Variants in ADD2 observed in about 807,000 individuals in gnomAD.
ADD2 encodes beta-adducin.
Under a neutral mutation model 83.0 loss-of-function variants are expected in ADD2, and 23 were observed. The observed-to-expected ratio is 0.28, with a 90% CI of 0.20 to 0.39. ADD2 has a LOEUF of 0.39. Ranked by LOEUF, ADD2 falls within the 10% of genes least tolerant of loss-of-function variation. ADD2 has a pLI of 1.00. For missense variants in ADD2, 758 were observed against 944.9 expected (o/e 0.80, Z 2.59); for synonymous variants, 375 against 375.4 (o/e 1.00, Z 0.01).
intron 15 of ADD2, among the ~76,000 whole-genome samples, chr2:70,666,845 G>A (rs1675820512): frequency 1.3e-5 from 2 of 152,178 alleles, no homozygotes; most frequent in Non-Finnish European, 2.9e-5. Context: ...ATTCAGAGAG[G>A]TTCCACATCA....
chr2:70,715,199 G>A (rs1672399876), intron 1 of ADD2, among the ~76,000 whole-genome samples: 2 of 152,152 alleles, frequency 1.3e-5, no homozygotes, highest in Non-Finnish European at 2.9e-5. Flanking sequence ...TTTAATGAGA[G>A]AAGGGAAGAG....
Position 70,662,126 on chromosome 2 carries a change from G to A in ADD2, c.*1299C>T, listed in dbSNP as rs546922031. ...AGGAAAAATATTCTTTCAAGACACG[G>A]TGCTTTCAAGAGAATGGATTGTCTA... is the stretch of plus-strand genomic sequence containing the variant. On this transcript the variant is annotated 3_prime_UTR_variant, in exon 16 of 16. Transcript: ENST00000264436. 6.6e-6 allele frequency: 1 copy of A among 152,212 alleles called. No individual in the cohort carries two copies. The highest frequency in any genetic ancestry group is 2.4e-5 in the African/African-American group (1 of 41,458). The allele number at this position is 152,212 out of a possible 1,614,324, so 9.4% of individuals were successfully genotyped here.
chr2:70,704,284 C>CCCCCCCA, intron 4 of ADD2, 37 bp downstream of exon 4: 1 of 1,560,596 alleles, frequency 6.4e-7, no homozygotes, highest in Non-Finnish European at 8.7e-7. Context: ...CCCTCCCCTC[C>CCCCCCCA]ACCTCTGCTC....
intron 1 of ADD2, among the ~76,000 whole-genome samples, chr2:70,740,106 G>C (rs1673807905): frequency 6.6e-6 from 1 of 152,046 alleles, no homozygotes; most frequent in Admixed American, 6.6e-5. Context: ...TATGGCTTAT[G>C]ATATTTATAT....
intron 15 of ADD2, among the ~76,000 whole-genome samples, chr2:70,670,933 C>A (rs782152452): frequency 2.0e-5 from 3 of 152,172 alleles, no homozygotes; most frequent in Admixed American, 2.0e-4. Context: ...CAACCGTGGG[C>A]CCCTCCAGGG....
At chr2:70,723,662 C>G (rs1553377755) in intron 1 of ADD2, among the ~76,000 whole-genome samples, 1 of 152,174 alleles carries the variant, frequency 6.6e-6, no homozygotes, top group African/African-American at 2.4e-5. Context: ...GCTTGCATGC[C>G]TGGTGAGAAT....
intron 1 of ADD2, among the ~76,000 whole-genome samples, chr2:70,764,881 T>C (rs1181399575): frequency 1.3e-5 from 2 of 151,992 alleles, no homozygotes; most frequent in South Asian, 2.1e-4. Flanking sequence ...AAAATACGTA[T>C]ATCTTCAGAA....
chr2:70,668,632 G>A (rs1386895962), intron 15 of ADD2, among the ~76,000 whole-genome samples: 2 of 152,216 alleles, frequency 1.3e-5, no homozygotes, highest in Non-Finnish European at 2.9e-5. Context: ...AGTGAGGTCA[G>A]ATGAAGGCTC....
intron 4 of ADD2, 41 bp downstream of exon 4, chr2:70,704,280 C>CCCA: frequency 1.3e-6 from 2 of 1,509,722 alleles, no homozygotes; most frequent in Non-Finnish European, 1.8e-6. Context: ...CCCACCCTCC[C>CCCA]CTCCACCTCT....
intron 11 of ADD2, 125 bp from the exon 12 acceptor site, chr2:70,678,002 A>G (rs1670262421): frequency 7.7e-7 from 1 of 1,294,720 alleles, no homozygotes; most frequent in Admixed American, 2.0e-5. Flanking sequence ...ACTCATAGAC[A>G]CTCTCTCTTC....
intron 15 of ADD2, among the ~76,000 whole-genome samples, chr2:70,664,755 G>C (rs1408927506): frequency 6.8e-6 from 1 of 146,744 alleles, no homozygotes; most frequent in East Asian, 1.9e-4. Flanking sequence ...GTGTGGGTGT[G>C]TGAGGGTGTG....
At chr2:70,731,626 A>G (rs1673287210) in intron 1 of ADD2, among the ~76,000 whole-genome samples, 1 of 152,216 alleles carries the variant, frequency 6.6e-6, no homozygotes, top group Admixed American at 6.5e-5. Context: ...AAGTGCAAGC[A>G]GAGGACACCT....
intron 1 of ADD2, among the ~76,000 whole-genome samples, chr2:70,745,962 CTA>C (rs1227957795): frequency 6.6e-6 from 1 of 152,148 alleles, no homozygotes; most frequent in Non-Finnish European, 1.5e-5. Flanking sequence ...TGAAACAAAT[CTA>C]TTTTGAAAAC....
At chr2:70,682,123 C>T (rs1670484834) in intron 10 of ADD2, among the ~76,000 whole-genome samples, 1 of 152,102 alleles carries the variant, frequency 6.6e-6, no homozygotes, top group South Asian at 2.1e-4. Context: ...GAATGAGCCA[C>T]CAGTTATTGT....
In ADD2 at chr2:70,663,674, C is replaced by T. The variant is rs115476558; in HGVS notation, c.1932G>A (p.Pro644=). The T allele has an allele frequency of 6.8e-6, 11 of 1,614,094 alleles. No individual in the cohort carries two copies. The highest frequency in any genetic ancestry group is 3.3e-5 in the Admixed American group (2 of 60,020). ...CCCTCCCGTTGACCACCACCCCTTC[C>T]GGCTGGGTTGTTTCGGGCTCTGTGG... ...AATTEPETTQ[P]EGVVVNGREE... Residue 644 remains proline, a synonymous_variant, in exon 16 of 16, where the codon CCG becomes CCA. Coordinates refer to ENST00000264436, the MANE Select transcript of ADD2 (RefSeq NM_001617.4).
intron 1 of ADD2, among the ~76,000 whole-genome samples, chr2:70,718,902 T>C (rs1416379410): frequency 6.6e-6 from 1 of 152,198 alleles, no homozygotes; most frequent in African/African-American, 2.4e-5. Context: ...CATCAGCAAG[T>C]GGCCAGAGCC....
intron 4 of ADD2, 45 bp downstream of exon 4, chr2:70,704,276 C>A (rs782162626): frequency 7.0e-6 from 10 of 1,432,080 alleles, no homozygotes; most frequent in Non-Finnish European, 8.5e-6. Context: ...CCACCCCACC[C>A]TCCCCTCCAC....
At chr2:70,682,432 C>T (rs1553369731) in intron 10 of ADD2, among the ~76,000 whole-genome samples, 5 of 152,118 alleles carry the variant, frequency 3.3e-5, no homozygotes, top group African/African-American at 4.8e-5. Context: ...TATTATAAAG[C>T]GGCCCTCATG....
chr2:70,715,091 G>A (rs1326736595), intron 1 of ADD2, among the ~76,000 whole-genome samples: 1 of 152,164 alleles, frequency 6.6e-6, no homozygotes, highest in Non-Finnish European at 1.5e-5. Context: ...TGAGGCAATT[G>A]TATTAGCTAG....
Sources: gnomAD v4.1 joint callset for allele counts (sites outside exome capture counted in the v4.1 genomes callset) on GRCh38, gnomAD v4.1.1 for gene constraint, MANE v1.5 for transcripts, NCBI Gene and HGNC (gene_info 2026-07-23, HGNC 2026-07-21) for gene names.